Variants in PCDHA13 observed in about 807,000 individuals in gnomAD.
PCDHA13 encodes protocadherin alpha-13.
PCDHA13 carries 54 observed loss-of-function variants against 64.8 expected under a neutral mutation model. That is an observed-to-expected ratio of 0.83 (90% CI 0.67 to 1.04). PCDHA13 has a LOEUF of 1.04. Among genes scored for constraint, PCDHA13 ranks in the 50% least tolerant of loss-of-function variants. The pLI is 0.00. For synonymous variants in PCDHA13, 587 were observed against 564.4 expected, an observed-to-expected ratio of 1.04 and a Z score of -0.57; for missense variants, 1,248 against 1,254.3, an observed-to-expected ratio of 0.99 and a Z score of 0.08.
rs1336398509 is a variant in PCDHA13 at position 140,898,765 on chromosome 5, G to A, written c.2394+14103G>A. On this transcript the variant is annotated intron_variant, in intron 1 of 3. Transcript: ENST00000289272. ...GCTTGATGGGGATGGCATTGAATCT[G>A]TAAATTACCTTGGGCAGTATGGCCA... 8.0e-3 allele frequency among the ~76,000 whole-genome samples: 1,218 copies of A among 151,752 alleles called. 6 individuals are homozygous for A. The highest frequency in any genetic ancestry group is 0.019 in the African/African-American group (786 of 41,220).
intron 1 of PCDHA13, among the ~76,000 whole-genome samples, chr5:140,953,627 T>C (rs1298172951): frequency 6.6e-6 from 1 of 152,178 alleles, no homozygotes; most frequent in Non-Finnish European, 1.5e-5. Context: ...ATTTGCTTTA[T>C]GTATTTTGGC....
intron 1 of PCDHA13, among the ~76,000 whole-genome samples, chr5:140,951,423 C>T (rs1324305371): frequency 6.6e-6 from 1 of 152,014 alleles, no homozygotes; most frequent in Non-Finnish European, 1.5e-5. Flanking sequence ...CTCACAGTTC[C>T]ACAGGCTGTA....
At chr5:140,922,863 G>A (rs1429324543) in intron 1 of PCDHA13, among the ~76,000 whole-genome samples, 10 of 152,160 alleles carry the variant, frequency 6.6e-5, no homozygotes, top group Admixed American at 5.2e-4. Context: ...ACATAGACAA[G>A]GGGAAAAAAT....
rs1382247797 is a variant in PCDHA13 at position 141,012,282 on chromosome 5, C to T, written c.*2345C>T. 2.6e-5 allele frequency: 4 copies of T among 153,718 alleles called. No individual in the cohort carries two copies. Among genetic ancestry groups the T allele is most frequent in the Non-Finnish European group, 4.4e-5 (3 of 68,036 alleles). 9.5% of individuals were successfully genotyped at this position (153,718 alleles called of 1,614,324 possible). Reference sequence around the variant, plus strand: ...AAGGATAAAACACGTCATGTGGATTCATTTTGAATTGGTGCTATTGGTATT... The same window carrying T: ...AAGGATAAAACACGTCATGTGGATTTATTTTGAATTGGTGCTATTGGTATT... On this transcript the variant is annotated 3_prime_UTR_variant, in exon 4 of 4. Coordinates refer to ENST00000289272, the MANE Select transcript of PCDHA13 (RefSeq NM_018904.3).
At position 140,883,851 on chromosome 5, in the gene PCDHA13, T is replaced by C; in HGVS notation, c.1583T>C (p.Leu528Pro). The change falls in exon 1 of 4, where the codon CTG becomes CCG. Residue 528 changes from leucine to proline, a missense_variant. Transcript: ENST00000289272. ...YALQPLDHEE[L>P]ELLQFQVSAR... ...CTGCAGCCGTTGGACCACGAGGAGC[T>C]GGAGCTGTTGCAGTTCCAGGTGAGC... 1 of 1,612,946 alleles carries C rather than the reference T, an allele frequency of 6.2e-7. No individual in the cohort carries two copies. Among genetic ancestry groups the C allele is most frequent in the African/African-American group, 1.3e-5 (1 of 74,992 alleles).
In PCDHA13 at chr5:140,926,973, G is replaced by T. The variant is rs369317394; in HGVS notation, c.2394+42311G>T. 5.0e-6 allele frequency: 8 copies of T among 1,609,646 alleles called. No homozygotes were observed. The African/African-American group carries it at 1.1e-4, about 21-fold the overall frequency. On this transcript the variant is annotated intron_variant, in intron 1 of 3. Transcript: ENST00000289272. ...CGGGACAGCTCGAGTACTCAGTGCC[G>T]GAGGAGACGGAGCGGGGCGTAGCCG...
chr5:140,992,017 CTGTGTGTGTGTG>C (rs10602499), intron 3 of PCDHA13, among the ~76,000 whole-genome samples: 3 of 145,512 alleles, frequency 2.1e-5, no homozygotes, highest in South Asian at 2.2e-4. Flanking sequence ...AGAGGTGGCT[CTGTGTGTGTGTG>C]TGTGTGTGTG....
At chr5:140,925,671 A>AATAATAATG (rs1445697337) in intron 1 of PCDHA13, among the ~76,000 whole-genome samples, 20 of 148,150 alleles carry the variant, frequency 1.3e-4, no homozygotes, top group African/African-American at 5.0e-4. Context: ...TAATAATAAT[A>AATAATAATG]ATAATAAAGC....
intron 1 of PCDHA13, among the ~76,000 whole-genome samples, chr5:140,892,059 G>A (rs1165045634): frequency 6.6e-6 from 1 of 152,108 alleles, no homozygotes; most frequent in African/African-American, 2.4e-5. Context: ...CAAATTTATT[G>A]TTACTTTGTA....
chr5:140,921,101 C>T (rs1331761775), intron 1 of PCDHA13, among the ~76,000 whole-genome samples: 3 of 152,002 alleles, frequency 2.0e-5, no homozygotes, highest in African/African-American at 4.8e-5. Context: ...CTGCCTCAGT[C>T]TCCTAAGTAG....
chr5:140,937,099 G>T (rs890589684), intron 1 of PCDHA13, among the ~76,000 whole-genome samples: 1 of 149,656 alleles, frequency 6.7e-6, no homozygotes, highest in Non-Finnish European at 1.5e-5. Flanking sequence ...GTGCAGTGGC[G>T]CAGTCTCGGC....
chr5:141,000,413 A>T (rs1563651324), intron 3 of PCDHA13, among the ~76,000 whole-genome samples: 4 of 93,212 alleles, frequency 4.3e-5, no homozygotes, highest in African/African-American at 1.8e-4. Flanking sequence ...ATATATATAT[A>T]TATATATATT....
At chr5:140,935,639 T>A (rs1377571192) in intron 1 of PCDHA13, among the ~76,000 whole-genome samples, 2 of 152,192 alleles carry the variant, frequency 1.3e-5, no homozygotes, top group African/African-American at 4.8e-5. Context: ...AGGGCTTGCT[T>A]TTTAAATTTT....
intron 1 of PCDHA13, among the ~76,000 whole-genome samples, chr5:140,975,853 C>T (rs1419464318): frequency 6.6e-6 from 1 of 152,126 alleles, no homozygotes; most frequent in African/African-American, 2.4e-5. Context: ...AATACTACAT[C>T]ACCCATATGG....
intron 3 of PCDHA13, among the ~76,000 whole-genome samples, chr5:141,002,446 G>T (rs1456078562): frequency 1.3e-5 from 2 of 152,156 alleles, no homozygotes; most frequent in Admixed American, 6.5e-5. Context: ...ATAATAATTG[G>T]CACATTTGTA....
At chr5:140,908,470 G>C (rs2073991280) in intron 1 of PCDHA13, among the ~76,000 whole-genome samples, 1 of 152,186 alleles carries the variant, frequency 6.6e-6, no homozygotes, top group Non-Finnish European at 1.5e-5. Flanking sequence ...AAAGCACCCA[G>C]TTCATGATAG....
At chr5:140,995,488 C>T (rs1402273935) in intron 3 of PCDHA13, among the ~76,000 whole-genome samples, 26 of 152,182 alleles carry the variant, frequency 1.7e-4, no homozygotes, top group Admixed American at 1.6e-3. Context: ...TATTTTCAGA[C>T]TAAGGTTGAC....
intron 1 of PCDHA13, among the ~76,000 whole-genome samples, chr5:140,921,992 C>A (rs963694302): frequency 6.6e-6 from 1 of 151,842 alleles, no homozygotes; most frequent in South Asian, 2.1e-4. Context: ...AAAAAGAGTT[C>A]AATGAAATGA....
Position 141,009,646 on chromosome 5 carries a change from G to A in PCDHA13, c.2562G>A (p.Val854=), listed in dbSNP as rs369515881. 16 of 1,613,668 alleles carry A rather than the reference G, an allele frequency of 9.9e-6. No individual in the cohort carries two copies. The highest frequency in any genetic ancestry group is 5.5e-5 in the South Asian group (5 of 91,030). ...TTTCAGAACCAGAGGCAGGAGAAGT[G>A]TCCCCTCCAGTCGGTGCGGGTGTCA... is the stretch of plus-strand genomic sequence containing the variant. ...SATPEPEAGE[V]SPPVGAGVNS... The change falls in exon 4 of 4, where the codon GTG becomes GTA. Residue 854 remains valine, a synonymous_variant. Coordinates refer to ENST00000289272, the MANE Select transcript of PCDHA13 (RefSeq NM_018904.3).
Sources: allele counts gnomAD v4.1 joint callset (sites outside exome capture counted in the v4.1 genomes callset), GRCh38; gene constraint gnomAD v4.1.1; transcripts MANE v1.5; gene names NCBI Gene and HGNC (gene_info 2026-07-23, HGNC 2026-07-21).